CUX1: variants seen among roughly 807,000 people sequenced by gnomAD.
CUX1 encodes the protein cut like homeobox 1, also known as protein CASP.
CUX1 carries 31 observed loss-of-function variants against 158.8 expected under a neutral mutation model. The observed-to-expected ratio is 0.20, with a 90% CI of 0.15 to 0.26. The LOEUF (loss-of-function observed/expected upper bound fraction) is 0.26, where lower values mean the gene tolerates loss of function less well. Among genes scored for constraint, CUX1 ranks in the 10% least tolerant of loss-of-function variants. The pLI is 1.00. For missense variants in CUX1, 1,589 were observed against 2,014.6 expected (o/e 0.79, Z 4.04); for synonymous variants, 879 against 862.1 (o/e 1.02, Z -0.34).
intron 5 of CUX1, among the ~76,000 whole-genome samples, chr7:102,103,588 A>G (rs1554487297): frequency 1.3e-5 from 2 of 152,066 alleles, no homozygotes; most frequent in African/African-American, 4.8e-5. Context: ...GGTGTGTGCT[A>G]CCACGTCCAG....
At chr7:102,235,834 A>T (rs1799506510) in intron 22 of CUX1, among the ~76,000 whole-genome samples, 1 of 136,124 alleles carries the variant, frequency 7.3e-6, no homozygotes, top group African/African-American at 2.8e-5. Context: ...GTGGGTATGG[A>T]ACCCAGGCCT....
intron 2 of CUX1, among the ~76,000 whole-genome samples, chr7:101,980,401 T>C (rs1382621619): frequency 6.6e-6 from 1 of 152,218 alleles, no homozygotes; most frequent in East Asian, 1.9e-4. Context: ...TCCCAGCTAC[T>C]GGGGAAGCTG....
intron 1 of CUX1, among the ~76,000 whole-genome samples, chr7:101,834,161 GTTTCTTTTTT>G (rs1794366217): frequency 1.0e-5 from 1 of 95,700 alleles, no homozygotes; most frequent in East Asian, 2.9e-4. Context: ...AAAGCTGATT[GTTTCTTTTTT>G]TTTTTTTTTT....
At chr7:102,197,776 C>T (rs1794945793) in intron 15 of CUX1, among the ~76,000 whole-genome samples, 1 of 152,120 alleles carries the variant, frequency 6.6e-6, no homozygotes, top group African/African-American at 2.4e-5. Flanking sequence ...CCCCTCTTCC[C>T]ACCCCGCAGA....
chr7:101,985,080 A>C (rs1814106507), intron 2 of CUX1, among the ~76,000 whole-genome samples: 1 of 152,208 alleles, frequency 6.6e-6, no homozygotes, highest in Non-Finnish European at 1.5e-5. Flanking sequence ...CCAATAAAGA[A>C]TTGAAATTAT....
chr7:102,211,818 G>A (rs546070502), intron 20 of CUX1, among the ~76,000 whole-genome samples: 3 of 151,058 alleles, frequency 2.0e-5, no homozygotes, highest in East Asian at 1.9e-4. Flanking sequence ...ACCTGATCTC[G>A]GCTGAGCTAA....
chr7:102,257,898 CTTT>C lies in CUX1; in HGVS notation c.*8870_*8872del, dbSNP rs374339832. 3.7e-4 allele frequency: 329 copies of C among 883,672 alleles called. No homozygotes were observed. The highest frequency in any genetic ancestry group is 4.0e-4 in the Non-Finnish European group (303 of 749,872). 54.7% of individuals were successfully genotyped at this position (883,672 alleles called of 1,614,324 possible). A position where few individuals can be genotyped will look rare whatever the true frequency, so the allele number is the denominator to read the frequency against. ...GAAAAAAGGAAAAAAAAAAAGTCGT[CTTT>C]TTTTTTTTTTTTTGTACAAATCGCT... On this transcript the variant is annotated 3_prime_UTR_variant, in exon 24 of 24. Coordinates refer to ENST00000292535, the MANE Select transcript of CUX1 (RefSeq NM_181552.4).
chr7:102,266,334 C>T (rs903097368), intron 14 of CUX1, among the ~76,000 whole-genome samples: 12 of 151,778 alleles, frequency 7.9e-5, no homozygotes, highest in Non-Finnish European at 1.3e-4. Flanking sequence ...TGGGTCAGGC[C>T]GGGAAGGGGG....
At chr7:102,091,818 T>G (rs1055984549) in intron 4 of CUX1, among the ~76,000 whole-genome samples, 1 of 152,052 alleles carries the variant, frequency 6.6e-6, no homozygotes, top group African/African-American at 2.4e-5. Flanking sequence ...TGTAGTGGTG[T>G]GACCTCGGCT....
chr7:102,151,386 C>T (rs2131503611), intron 8 of CUX1, among the ~76,000 whole-genome samples: 1 of 152,084 alleles, frequency 6.6e-6, no homozygotes, highest in South Asian at 2.1e-4. Context: ...AACCCCGTCT[C>T]TACTAAAACT....
At chr7:102,194,648 A>G (rs899344980) in intron 13 of CUX1, among the ~76,000 whole-genome samples, 3 of 151,648 alleles carry the variant, frequency 2.0e-5, no homozygotes, top group African/African-American at 7.3e-5. Flanking sequence ...TGGTTTAGGA[A>G]CTTTAGTTAC....
At chr7:102,150,510 G>A (rs782241559) in intron 8 of CUX1, among the ~76,000 whole-genome samples, 13 of 152,244 alleles carry the variant, frequency 8.5e-5, no homozygotes, top group South Asian at 2.1e-4. Context: ...TTTGAAGGCC[G>A]CTCTGTATGT....
At chr7:101,924,726 T>C (rs1351202089) in intron 2 of CUX1, among the ~76,000 whole-genome samples, 1 of 150,920 alleles carries the variant, frequency 6.6e-6, no homozygotes, top group Non-Finnish European at 1.5e-5. Context: ...CCACCACACC[T>C]GGTTATTTTT....
intron 2 of CUX1, among the ~76,000 whole-genome samples, chr7:102,008,998 C>G (rs1157272580): frequency 6.6e-6 from 1 of 152,082 alleles, no homozygotes; most frequent in Non-Finnish European, 1.5e-5. Context: ...ACAGGGAACC[C>G]TCGGCCCCGC....
chr7:102,170,788 C>T (rs1346507432), intron 10 of CUX1, among the ~76,000 whole-genome samples: 1 of 151,922 alleles, frequency 6.6e-6, no homozygotes, highest in East Asian at 1.9e-4. Context: ...CCACCCAGGG[C>T]CAAGGTGGAG....
intron 2 of CUX1, among the ~76,000 whole-genome samples, chr7:101,939,108 T>TG (rs1807371973): frequency 1.1e-5 from 1 of 90,978 alleles, no homozygotes; most frequent in Admixed American, 1.3e-4. Flanking sequence ...TATATATATA[T>TG]ATATATGATG....
intron 23 of CUX1, among the ~76,000 whole-genome samples, chr7:102,244,835 C>T (rs558967350): frequency 1.9e-4 from 29 of 152,186 alleles, no homozygotes; most frequent in Non-Finnish European, 2.4e-4. Context: ...CTCGCAGCCA[C>T]GGCATTCTGC....
Position 102,097,457 on chromosome 7 carries a change from C to T in CUX1, c.362C>T (p.Thr121Ile). ...IETENQKLRE[T>I]LEEYNKEFAE... is the part of the protein sequence containing the mutation. ...ACAGAGAACCAGAAACTTAGGGAAA[C>T]TCTGGAAGAATACAACAAGGAATTT... Residue 121 changes from threonine (T) to isoleucine (I), a missense_variant, in exon 5 of 24, where the codon ACT (threonine) becomes ATT (isoleucine). Physicochemically the swap from Thr to Ile is moderately conservative, Grantham distance 89. Around this residue, in one of 8 missense-constraint regions of CUX1, gnomAD observed 515 missense variants for 574.4 expected, o/e 0.90. Transcript: ENST00000292535. 1 of 1,613,192 alleles carries T rather than the reference C, an allele frequency of 6.2e-7. No homozygotes were observed. The highest frequency in any genetic ancestry group is 2.2e-5 in the East Asian group (1 of 44,846).
Position 102,163,332 on chromosome 7 carries a change from T to TA in CUX1, c.723+4724_723+4725insA, listed in dbSNP as rs1790662489. Reference sequence around the variant, plus strand: ...GAGACTTTTTTCTCTACAAAAAAGTTTAAAAAAAAAAAAATAGCCAGGTGT... The same window carrying TA: ...GAGACTTTTTTCTCTACAAAAAAGTTATAAAAAAAAAAAAATAGCCAGGTGT... On this transcript the variant is annotated intron_variant, in intron 9 of 23. Coordinates refer to ENST00000292535, the MANE Select transcript of CUX1 (RefSeq NM_181552.4). Among the ~76,000 whole-genome samples, 3 of 134,344 alleles carry TA rather than the reference T, an allele frequency of 2.2e-5. No individual in the cohort carries two copies. In the South Asian group the frequency reaches 7.2e-4, roughly 32 times the overall value. 88.1% of individuals were successfully genotyped at this position (134,344 alleles called of 152,430 possible). A position where few individuals can be genotyped will look rare whatever the true frequency, so the allele number is the denominator to read the frequency against.
Sources: gnomAD v4.1 joint callset for allele counts (sites outside exome capture counted in the v4.1 genomes callset) on GRCh38, gnomAD v4.1.1 for gene constraint, gnomAD v4.1.1 regional missense constraint, MANE v1.5 for transcripts, NCBI Gene and HGNC (gene_info 2026-07-23, HGNC 2026-07-21) for gene names.